Variants in TPH1 observed in about 807,000 individuals in gnomAD.
The protein encoded by TPH1 is tryptophan 5-hydroxylase 1.
Under a neutral mutation model 49.5 loss-of-function variants are expected in TPH1, and 37 were observed. The observed-to-expected ratio is 0.75, with a 90% confidence interval of 0.58 to 0.98. The LOEUF is 0.98. TPH1 is among the 50% of genes least tolerant of loss of function. TPH1 has a pLI of 0.00. For missense variants in TPH1, 487 were observed against 523.6 expected (o/e 0.93, Z 0.68); for synonymous variants, 160 against 182.1 (o/e 0.88, Z 0.98).
intron 1 of TPH1, among the ~76,000 whole-genome samples, chr11:18,042,621 T>C (rs1350683011): frequency 1.3e-5 from 2 of 152,186 alleles, no homozygotes; most frequent in Non-Finnish European, 2.9e-5. Flanking sequence ...TATAAACTTA[T>C]GAGAATTAAA....
chr11:18,017,617 A>G lies in TPH1; in HGVS notation c.*3374T>C, dbSNP rs937658220. On this transcript the variant is annotated 3_prime_UTR_variant, in exon 11 of 11. Coordinates refer to ENST00000682019, the MANE Select transcript of TPH1 (RefSeq NM_004179.3). ...TGAATAACAAACTTGTAAATCATAA[A>G]TATATATTACATAGTAAAACAAAGA... 1.3e-5 allele frequency: 2 copies of G among 152,220 alleles called. No homozygotes were observed. The highest frequency in any genetic ancestry group is 2.9e-5 in the Non-Finnish European group (2 of 68,036). The allele number at this position is 152,220 out of a possible 1,614,324, so 9.4% of individuals were successfully genotyped here. A position where few individuals can be genotyped will look rare whatever the true frequency, so the allele number is the denominator to read the frequency against.
intron 2 of TPH1, among the ~76,000 whole-genome samples, chr11:18,039,095 G>C (rs1848074147): frequency 6.6e-6 from 1 of 152,076 alleles, no homozygotes; most frequent in Non-Finnish European, 1.5e-5. Flanking sequence ...CTGAGAATAT[G>C]GTATGTGTTA....
chr11:18,030,102 G>A (rs1279591094), intron 4 of TPH1, among the ~76,000 whole-genome samples: 3 of 152,096 alleles, frequency 2.0e-5, no homozygotes, highest in African/African-American at 7.2e-5. Context: ...TTATACTCAT[G>A]AAAAAAAATT....
At chr11:18,045,901 TCA>T (rs1848136356) in intron 1 of TPH1, among the ~76,000 whole-genome samples, 1 of 151,988 alleles carries the variant, frequency 6.6e-6, no homozygotes, top group South Asian at 2.1e-4. Flanking sequence ...CATAGAGGAG[TCA>T]CACAGACTTG....
chr11:18,030,266 A>G (rs890149236), intron 4 of TPH1, among the ~76,000 whole-genome samples: 4 of 152,046 alleles, frequency 2.6e-5, no homozygotes, highest in Non-Finnish European at 5.9e-5. Context: ...TAAAATAACA[A>G]TTATAACTAG....
At chr11:18,032,537 C>CTTTTT (rs34366393) in intron 4 of TPH1, among the ~76,000 whole-genome samples, 2 of 86,304 alleles carry the variant, frequency 2.3e-5, no homozygotes, top group African/African-American at 5.4e-5. Flanking sequence ...TTGTTGAAAT[C>CTTTTT]TTTTTTTTTT....
chr11:18,025,595 C>G lies in TPH1; in HGVS notation c.910G>C (p.Ala304Pro). The G allele has an allele frequency of 6.2e-7, 1 of 1,613,898 alleles. No homozygotes were observed. The highest frequency in any genetic ancestry group is 2.2e-5 in the East Asian group (1 of 44,876). Reference protein sequence around the residue: ...GLASLGASEEAVQKLATCYFF... With the variant: ...GLASLGASEEPVQKLATCYFF... The stretch of plus-strand genomic sequence containing the variant: ...TATACCGTTGCCAGTTTTTGAACAG[C>G]CTCCTCTGAAGCGCCAAGAGAAGCC... The change falls in exon 8 of 11, where the codon GCT becomes CCT. Residue 304 changes from alanine (A) to proline (P), a missense_variant. Physicochemically the swap from Ala to Pro is conservative, Grantham distance 27 (BLOSUM62 -1). Coordinates refer to ENST00000682019, the MANE Select transcript of TPH1 (RefSeq NM_004179.3).
Position 18,019,837 on chromosome 11 carries a change from C to T in TPH1, c.*1154G>A. 2 of 426,936 alleles carry T rather than the reference C, an allele frequency of 4.7e-6. 1 individual carries two copies. The highest frequency in any genetic ancestry group is 3.4e-5 in the South Asian group (2 of 58,972). 26.4% of individuals were successfully genotyped at this position (426,936 alleles called of 1,614,324 possible). A position where few individuals can be genotyped will look rare whatever the true frequency, so the allele number is the denominator to read the frequency against. ...AGGACTGCTTACTCCCTGTGCTACA[C>T]AGCTGACTCTGCATAAAAACCATTC... On this transcript the variant is annotated 3_prime_UTR_variant, in exon 11 of 11. Coordinates refer to ENST00000682019, the MANE Select transcript of TPH1 (RefSeq NM_004179.3).
At chr11:18,043,685 A>G (rs1185145992) in intron 1 of TPH1, among the ~76,000 whole-genome samples, 3 of 152,148 alleles carry the variant, frequency 2.0e-5, no homozygotes, top group Non-Finnish European at 4.4e-5. Context: ...GAGATGCTGT[A>G]TGAACAACAA....
chr11:18,032,153 C>T (rs1034827430), intron 4 of TPH1, among the ~76,000 whole-genome samples: 2 of 152,088 alleles, frequency 1.3e-5, no homozygotes, highest in Non-Finnish European at 2.9e-5. Context: ...AGTTTAACTT[C>T]ACAATTGCAC....
At chr11:18,026,992 C>A (rs1343704321) in intron 6 of TPH1, among the ~76,000 whole-genome samples, 1 of 152,124 alleles carries the variant, frequency 6.6e-6, no homozygotes, top group Non-Finnish European at 1.5e-5. Context: ...TTGCTGTCTC[C>A]CTTAAGGGGT....
rs1405283399 is a variant in TPH1 at position 18,020,623 on chromosome 11, C to T, written c.*368G>A. The T allele has an allele frequency of 2.2e-5, 5 of 230,336 alleles. No individual in the cohort carries two copies. Among genetic ancestry groups the T allele is most frequent in the South Asian group, 1.3e-4 (2 of 14,870 alleles). The allele number at this position is 230,336 out of a possible 1,614,324, so 14.3% of individuals were successfully genotyped here. A position where few individuals can be genotyped will look rare whatever the true frequency, so the allele number is the denominator to read the frequency against. On this transcript the variant is annotated 3_prime_UTR_variant, in exon 11 of 11. Coordinates refer to ENST00000682019, the MANE Select transcript of TPH1 (RefSeq NM_004179.3). ...ATAATACTCCTCAAGTTATTCTAAG[C>T]GATCCTAAAGGGTCATTTTACTCAA...
rs1358798197 is a variant in TPH1 at position 18,021,162 on chromosome 11, TTCTC to T, written c.1161-1_1163del. 7 of 1,613,550 alleles carry T rather than the reference TTCTC, an allele frequency of 4.3e-6. No individual in the cohort carries two copies. The Admixed American group carries it at 6.7e-5, about 15-fold the overall frequency. On this transcript the variant is annotated splice_acceptor_variant and coding_sequence_variant, in exon 11 of 11. Transcript: ENST00000682019. LOFTEE classifies it high-confidence loss of function. Reference sequence around the variant, plus strand: ...ATGGACGCTTAATTGTTTTGGTAAATTCTCTATTTAAGAAAACAAATAGGAGACA... The same window carrying T: ...ATGGACGCTTAATTGTTTTGGTAAATTATTTAAGAAAACAAATAGGAGACA...
At chr11:18,043,851 G>A (rs963551875) in intron 1 of TPH1, among the ~76,000 whole-genome samples, 32 of 151,256 alleles carry the variant, frequency 2.1e-4, no homozygotes, top group African/African-American at 7.6e-4. Context: ...GGGTGACAGA[G>A]TGAAACCCTG....
chr11:18,043,342 T>C (rs1336949730), intron 1 of TPH1, among the ~76,000 whole-genome samples: 2 of 152,240 alleles, frequency 1.3e-5, no homozygotes, highest in South Asian at 2.1e-4. Context: ...CTGCGGCTCA[T>C]GCCTGTAATC....
chr11:18,029,575 A>C lies in TPH1; in HGVS notation c.407T>G (p.Phe136Cys), dbSNP rs1847964635. The C allele has an allele frequency of 2.5e-6, 4 of 1,612,050 alleles. No individual in the cohort carries two copies. The highest frequency in any genetic ancestry group is 3.4e-6 in the Non-Finnish European group (4 of 1,178,646). Residue 136 changes from phenylalanine (F) to cysteine (C), a missense_variant, in exon 5 of 11, where the codon TTC becomes TGC. Transcript: ENST00000682019. ...ACGTTTACGGTAGACATTGTCTTTG[A>C]AGCCCTGATAATTAAAGATATGTTT... ...GSELDADHPG[F>C]KDNVYRKRRK...
At chr11:18,028,207 C>G (rs1388160293) in intron 6 of TPH1, among the ~76,000 whole-genome samples, 2 of 152,162 alleles carry the variant, frequency 1.3e-5, no homozygotes, top group African/African-American at 4.8e-5. Flanking sequence ...ATATAAAGAA[C>G]TAAAAGGAAC....
Position 18,025,574 on chromosome 11 carries a change from C to T in TPH1, c.930+1G>A. ...AAATATAGCTAATTCCAGATTTATA[C>T]CGTTGCCAGTTTTTGAACAGCCTCC... On this transcript the variant is annotated splice_donor_variant, in intron 8 of 10. Coordinates refer to ENST00000682019, the MANE Select transcript of TPH1 (RefSeq NM_004179.3). LOFTEE classifies it high-confidence loss of function. 6.2e-7 allele frequency: 1 copy of T among 1,613,828 alleles called. No individual in the cohort carries two copies. The highest frequency in any genetic ancestry group is 1.6e-4 in the Middle Eastern group (1 of 6,062).
rs1236630075 is a variant in TPH1 at position 18,022,907 on chromosome 11, C to T, written c.1051G>A (p.Val351Ile). The change falls in exon 10 of 11, where the codon GTA becomes ATA. Residue 351 changes from valine (V) to isoleucine (I), a missense_variant. By Grantham distance (29) the Val-to-Ile change is conservative (BLOSUM62 3). Transcript: ENST00000682019. ...LKHALSGHAK[V>I]KPFDPKITCK... ...GTAATCTTGGGATCAAAGGGCTTTA[C>T]TTTGGCATGTCCAGAAAGTGCATGC... 1 of 1,613,548 alleles carries T rather than the reference C, an allele frequency of 6.2e-7. No homozygotes were observed. Among genetic ancestry groups the T allele is most frequent in the African/African-American group, 1.3e-5 (1 of 75,028 alleles).
Sources: allele counts gnomAD v4.1 joint callset (sites outside exome capture counted in the v4.1 genomes callset), GRCh38; gene constraint gnomAD v4.1.1; transcripts MANE v1.5; gene names NCBI Gene and HGNC (gene_info 2026-07-23, HGNC 2026-07-21).